Variants in EPM2A observed in about 807,000 individuals in gnomAD.
The protein encoded by EPM2A is EPM2A glucan phosphatase, laforin, also known as laforin.
Under a neutral mutation model 26.5 loss-of-function variants are expected in EPM2A, and 21 were observed. That is an observed-to-expected ratio of 0.79 (90% CI 0.56 to 1.14). The LOEUF (loss-of-function observed/expected upper bound fraction) is 1.14, where lower values mean the gene tolerates loss of function less well. EPM2A is among the 50% of genes most tolerant of loss of function. The pLI is 0.00. For missense variants in EPM2A, 458 were observed against 440.8 expected (o/e 1.04, Z -0.35); for synonymous variants, 217 against 177.6 (o/e 1.22, Z -1.76).
chr6:145,493,864 T>C (rs967768945), intron 4 of EPM2A, among the ~76,000 whole-genome samples: 2 of 152,232 alleles, frequency 1.3e-5, no homozygotes, highest in Non-Finnish European at 2.9e-5. Flanking sequence ...AAACTTTTGA[T>C]GGGCTGCTGG....
At position 145,687,407 on chromosome 6, in the gene EPM2A, A is replaced by G. The variant is rs760558896; in HGVS notation, c.302-1111T>C. ...CTATTGTTCATAAGCTAACCAATAT[A>G]TGGTGTTTTGTTTATAGCAGCTCAA... On this transcript the variant is annotated intron_variant, in intron 1 of 3. Coordinates refer to ENST00000367519, the MANE Select transcript of EPM2A (RefSeq NM_005670.4). 1.8e-4 allele frequency among the ~76,000 whole-genome samples: 27 copies of G among 152,060 alleles called. 1 individual carries two copies. The highest frequency in any genetic ancestry group is 3.3e-4 in the Admixed American group (5 of 15,264).
At chr6:145,529,079 G>A (rs1780318374) in intron 2 of EPM2A, among the ~76,000 whole-genome samples, 1 of 152,052 alleles carries the variant, frequency 6.6e-6, no homozygotes, top group African/African-American at 2.4e-5. Flanking sequence ...GCAATCTCAT[G>A]ATCAAACTTC....
chr6:145,549,499 G>A (rs1310817252), intron 2 of EPM2A, among the ~76,000 whole-genome samples: 1 of 152,114 alleles, frequency 6.6e-6, no homozygotes, highest in African/African-American at 2.4e-5. Context: ...AGGCAGAACT[G>A]AGGAGTGAGG....
At chr6:145,471,529 G>A (rs1779472981) in intron 4 of EPM2A, among the ~76,000 whole-genome samples, 1 of 152,072 alleles carries the variant, frequency 6.6e-6, no homozygotes. Flanking sequence ...AAGACAGTAA[G>A]ACAGTTCTGA....
intron 4 of EPM2A, among the ~76,000 whole-genome samples, chr6:145,436,804 C>T (rs1216510119): frequency 2.0e-5 from 3 of 151,898 alleles, no homozygotes; most frequent in African/African-American, 7.2e-5. Flanking sequence ...TCTTGTTGAG[C>T]CTCTCTAGTG....
At chr6:145,677,777 G>A (rs748399406) in intron 2 of EPM2A, among the ~76,000 whole-genome samples, 1 of 152,132 alleles carries the variant, frequency 6.6e-6, no homozygotes, top group African/African-American at 2.4e-5. Context: ...CAAAATAAAA[G>A]GGGACACAAA....
At chr6:145,387,028 T>C (rs1778271879) in intron 4 of EPM2A, among the ~76,000 whole-genome samples, 1 of 152,176 alleles carries the variant, frequency 6.6e-6, no homozygotes, top group Admixed American at 6.6e-5. Flanking sequence ...AGATACCCAC[T>C]TGTTTTGGGG....
At chr6:145,727,924 G>A (rs1776293318) in intron 1 of EPM2A, among the ~76,000 whole-genome samples, 1 of 152,152 alleles carries the variant, frequency 6.6e-6, no homozygotes, top group East Asian at 1.9e-4. Context: ...AGAGACGATT[G>A]AATCACGGGG....
intron 2 of EPM2A, among the ~76,000 whole-genome samples, chr6:145,521,226 C>G (rs397418): frequency 6.6e-6 from 1 of 151,844 alleles, no homozygotes; most frequent in African/African-American, 2.4e-5. Flanking sequence ...GAAGTTTTCA[C>G]GTAAATTCTC....
In EPM2A at chr6:145,710,491, A is replaced by G. The variant is rs371664646; in HGVS notation, c.302-24195T>C. Among the ~76,000 whole-genome samples the G allele has an allele frequency of 9.2e-5, 14 of 152,120 alleles. No individual in the cohort carries two copies. In the East Asian group the frequency reaches 9.7e-4, roughly 10 times the overall value. ...AAACAACAGGTGCTGGAGAGGATGT[A>G]GAGAAATAGGAACACTTTTACACTG... is the stretch of plus-strand genomic sequence containing the variant. On this transcript the variant is annotated intron_variant, in intron 1 of 3. Coordinates refer to ENST00000367519, the MANE Select transcript of EPM2A (RefSeq NM_005670.4).
intron 2 of EPM2A, among the ~76,000 whole-genome samples, chr6:145,609,342 T>A (rs967629962): frequency 6.6e-6 from 1 of 152,206 alleles, no homozygotes; most frequent in Admixed American, 6.5e-5. Flanking sequence ...AAATTTAAAT[T>A]TGTTTTACTA....
At chr6:145,417,267 A>C (rs1467236589) in intron 4 of EPM2A, among the ~76,000 whole-genome samples, 1 of 152,230 alleles carries the variant, frequency 6.6e-6, no homozygotes, top group East Asian at 1.9e-4. Flanking sequence ...CAAATCCTAC[A>C]GAAGTCTGTA....
chr6:145,635,182 A>G (rs1428190875), intron 3 of EPM2A, 63 bp downstream of exon 3: 2 of 1,532,578 alleles, frequency 1.3e-6, no homozygotes, highest in Non-Finnish European at 1.8e-6. Flanking sequence ...TTATAGATAG[A>G]CAGACAGACA....
chr6:145,582,465 G>T (rs1781128925), intron 2 of EPM2A, among the ~76,000 whole-genome samples: 1 of 152,226 alleles, frequency 6.6e-6, no homozygotes, highest in Non-Finnish European at 1.5e-5. Context: ...ATTTGGTCCA[G>T]TGTCTAGTTC....
At chr6:145,404,637 C>T (rs1337356329) in intron 4 of EPM2A, among the ~76,000 whole-genome samples, 1 of 152,078 alleles carries the variant, frequency 6.6e-6, no homozygotes, top group African/African-American at 2.4e-5. Flanking sequence ...AACACCAAAG[C>T]TTCCTATTTT....
rs77223674 is a variant in EPM2A at position 145,618,988 on chromosome 6, T to C, written c.340+16257A>G. Among the ~76,000 whole-genome samples, 375 of 151,520 alleles carry C rather than the reference T, an allele frequency of 2.5e-3. 4 individuals are homozygous for C. The highest frequency in any genetic ancestry group is 8.5e-3 in the African/African-American group (351 of 41,306). ...CCAGGTCAGCGTGGACAGAGGGGAG[T>C]AGTTATATTTAAGAGATATTTAGGA... On this transcript the variant is annotated intron_variant, in intron 2 of 3. Transcript: ENST00000450221.
intron 2 of EPM2A, among the ~76,000 whole-genome samples, chr6:145,515,761 T>A (rs745376493): frequency 2.0e-5 from 3 of 152,104 alleles, no homozygotes; most frequent in Non-Finnish European, 4.4e-5. Flanking sequence ...AATTTATAGG[T>A]CTTAACTAAA....
At chr6:145,476,039 TAA>T (rs1779538966) in intron 4 of EPM2A, among the ~76,000 whole-genome samples, 1 of 151,850 alleles carries the variant, frequency 6.6e-6, no homozygotes, top group Non-Finnish European at 1.5e-5. Flanking sequence ...ACTTCACATA[TAA>T]AGACACACAT....
intron 1 of EPM2A, among the ~76,000 whole-genome samples, chr6:145,699,654 G>C (rs1041322390): frequency 5.3e-5 from 8 of 152,200 alleles, no homozygotes; most frequent in Non-Finnish European, 1.2e-4. Context: ...GTTTATTTCA[G>C]TGGGTAGAGT....
Sources: gnomAD v4.1 joint callset for allele counts (sites outside exome capture counted in the v4.1 genomes callset) on GRCh38, gnomAD v4.1.1 for gene constraint, MANE v1.5 for transcripts, NCBI Gene and HGNC (gene_info 2026-07-23, HGNC 2026-07-21) for gene names.